Variants in SCLT1 observed in about 807,000 individuals in gnomAD.
SCLT1 encodes the protein sodium channel and clathrin linker 1.
SCLT1 carries 78 observed loss-of-function variants against 112.8 expected under a neutral mutation model. The ratio of observed to expected loss-of-function variants is 0.69; its 90% confidence interval spans 0.58 to 0.83. The LOEUF (loss-of-function observed/expected upper bound fraction) is 0.83. SCLT1 is among the 40% of genes least tolerant of loss of function. The probability of loss-of-function intolerance (pLI) is 0.00; values close to 1 mark genes in which losing one functional copy is unlikely to be tolerated. For synonymous variants in SCLT1, 257 were observed against 254.7 expected (o/e 1.01, Z -0.09); for missense variants, 747 against 770.4 (o/e 0.97, Z 0.36).
intron 17 of SCLT1, among the ~76,000 whole-genome samples, chr4:128,939,260 A>C (rs989103558): frequency 1.3e-5 from 2 of 152,072 alleles, no homozygotes; most frequent in Admixed American, 1.3e-4. Flanking sequence ...CTTTTGCCTG[A>C]AATAATCTCT....
At chr4:128,948,335 CAA>C (rs11312069) in intron 15 of SCLT1, among the ~76,000 whole-genome samples, 159 bp downstream of exon 15, 902 of 47,908 alleles carry the variant, frequency 0.019, 1 homozygote, top group African/African-American at 0.059. Flanking sequence ...GACTCCATTG[CAA>C]AAAAAAAAAA....
At chr4:128,943,301 T>G in intron 16 of SCLT1, 113 bp from the exon 17 acceptor site, 1 of 704,430 alleles carries the variant, frequency 1.4e-6, no homozygotes, top group Non-Finnish European at 2.2e-6. Context: ...TCTGAGCCAT[T>G]TCTTTCCACT....
chr4:129,019,385 C>T (rs1426920810), intron 5 of SCLT1, among the ~76,000 whole-genome samples: 1 of 152,054 alleles, frequency 6.6e-6, no homozygotes, highest in Non-Finnish European at 1.5e-5. Context: ...TTTTACATAC[C>T]ATTAAAAAGA....
At chr4:128,974,273 A>C (rs752163777) in intron 9 of SCLT1, among the ~76,000 whole-genome samples, 1 of 152,066 alleles carries the variant, frequency 6.6e-6, no homozygotes, top group Non-Finnish European at 1.5e-5. Flanking sequence ...CTTGACTCTT[A>C]GCCAGTATAC....
intron 16 of SCLT1, among the ~76,000 whole-genome samples, chr4:128,943,561 C>T (rs1737892888): frequency 6.6e-6 from 1 of 152,054 alleles, no homozygotes; most frequent in African/African-American, 2.4e-5. Context: ...TTTACTTAAT[C>T]AATAAACTCC....
chr4:128,971,597 A>C (rs565296601), intron 9 of SCLT1: 1 of 152,206 alleles, frequency 6.6e-6, no homozygotes, highest in Non-Finnish European at 1.5e-5. Context: ...CCTAGGATTC[A>C]CAATACGTAA....
At chr4:128,925,247 C>T (rs539897933) in intron 18 of SCLT1, among the ~76,000 whole-genome samples, 2 of 152,056 alleles carry the variant, frequency 1.3e-5, no homozygotes, top group East Asian at 1.9e-4. Flanking sequence ...AATAAATGTT[C>T]GCTGTTTTAA....
intron 4 of SCLT1, chr4:129,039,978 C>T (rs142682175): frequency 2.1e-4 from 105 of 509,628 alleles, no homozygotes; most frequent in African/African-American, 1.9e-3. Context: ...TCACTTAAAA[C>T]GGTAACTAAT....
chr4:129,057,439 G>C (rs1749515099), intron 2 of SCLT1, among the ~76,000 whole-genome samples: 1 of 142,926 alleles, frequency 7.0e-6, no homozygotes, highest in Admixed American at 7.2e-5. Flanking sequence ...ATGACTCTCA[G>C]CCTCCCAAGT....
chr4:128,902,630 GA>G (rs1258916160), intron 18 of SCLT1, among the ~76,000 whole-genome samples: 1 of 152,190 alleles, frequency 6.6e-6, no homozygotes, highest in East Asian at 1.9e-4. Flanking sequence ...TGAGTGAGTG[GA>G]GAATGAATGG....
rs571102096 is a variant in SCLT1 at position 129,003,620 on chromosome 4, A to G, written c.426+121T>C. 11 of 823,156 alleles carry G rather than the reference A, an allele frequency of 1.3e-5. No homozygotes were observed. In the African/African-American group the frequency reaches 1.9e-4, roughly 14 times the overall value. 51.0% of individuals were successfully genotyped at this position (823,156 alleles called of 1,614,324 possible). On this transcript the variant is annotated intron_variant, in intron 6 of 20. Transcript: ENST00000281142. ...TTGCTACCTGTAACGATTCTTATAAACTGTAAAAAATCATAATGTTACAAT... is the reference window on the plus strand; with the variant it reads ...TTGCTACCTGTAACGATTCTTATAAGCTGTAAAAAATCATAATGTTACAAT...
rs554409293 is a variant in SCLT1, at chr4:128,947,572, T to C, written c.1293+924A>G. On this transcript the variant is annotated intron_variant, in intron 15 of 20. Transcript: ENST00000281142. Reference sequence around the variant, plus strand: ...CTCTACCATTTACCACTTTTTAACATTGGGTAAGTTACTTAACCTCTCTAT... The same window carrying C: ...CTCTACCATTTACCACTTTTTAACACTGGGTAAGTTACTTAACCTCTCTAT... Among the ~76,000 whole-genome samples, 11 of 152,318 alleles carry C rather than the reference T, an allele frequency of 7.2e-5. No individual in the cohort carries two copies. The South Asian group carries it at 2.1e-3, about 29-fold the overall frequency.
intron 1 of SCLT1, among the ~76,000 whole-genome samples, chr4:129,087,754 T>A (rs1752515454): frequency 1.7e-5 from 1 of 60,242 alleles, no homozygotes; most frequent in African/African-American, 4.3e-5. Flanking sequence ...CTTGCGCAAG[T>A]TAAAAAAAAA....
At chr4:128,956,809 GTA>G (rs1160425008) in intron 13 of SCLT1, among the ~76,000 whole-genome samples, 1 of 152,042 alleles carries the variant, frequency 6.6e-6, no homozygotes, top group Non-Finnish European at 1.5e-5. Context: ...GGGCTATACA[GTA>G]TATCCCACTA....
At position 128,936,819 on chromosome 4, in the gene SCLT1, C is replaced by T; in HGVS notation, c.1665G>A (p.Lys555=). 2 of 1,590,366 alleles carry T rather than the reference C, an allele frequency of 1.3e-6. No individual in the cohort carries two copies. Among genetic ancestry groups the T allele is most frequent in the Non-Finnish European group, 1.7e-6 (2 of 1,165,660 alleles). ...ISTMEHEFSI[K]ERGFEVQLRE... ...TCAATTGAACTTCAAATCCACGTTC[C>T]TTTATTGAAAATTCATGTTCCATTG... The change falls in exon 18 of 21, where the codon AAG becomes AAA. Residue 555 remains lysine (K), a synonymous_variant. Coordinates refer to ENST00000281142, the MANE Select transcript of SCLT1 (RefSeq NM_144643.4).
At chr4:129,001,915 A>G (rs879655912) in intron 6 of SCLT1, among the ~76,000 whole-genome samples, 29 of 152,184 alleles carry the variant, frequency 1.9e-4, no homozygotes, top group Non-Finnish European at 3.5e-4. Context: ...CATGAAATCA[A>G]TTATAAATCT....
rs187412785 is a variant in SCLT1 at position 128,944,271 on chromosome 4, T to C, written c.1440-1083A>G. Among the ~76,000 whole-genome samples, 15 of 152,276 alleles carry C rather than the reference T, an allele frequency of 9.9e-5. No homozygotes were observed. In the East Asian group the frequency reaches 2.9e-3, roughly 29 times the overall value. On this transcript the variant is annotated intron_variant, in intron 16 of 20. Transcript: ENST00000281142. The stretch of plus-strand genomic sequence containing the variant: ...CTAATAAAATGACATATCTAGGGAA[T>C]GATAATAAAAGGATGCTAACATCAG...
At chr4:129,048,015 T>G (rs1403376175) in intron 2 of SCLT1, among the ~76,000 whole-genome samples, 1 of 152,170 alleles carries the variant, frequency 6.6e-6, no homozygotes, top group Non-Finnish European at 1.5e-5. Flanking sequence ...TATATTTGCC[T>G]TTCTTGCTTA....
intron 18 of SCLT1, among the ~76,000 whole-genome samples, chr4:128,894,765 G>T (rs1409022094): frequency 1.3e-5 from 2 of 151,576 alleles, no homozygotes; most frequent in Non-Finnish European, 2.9e-5. Context: ...TGCAACCTCC[G>T]CCTCCCGCTT....
Sources: gnomAD v4.1 joint callset for allele counts (sites outside exome capture counted in the v4.1 genomes callset) on GRCh38, gnomAD v4.1.1 for gene constraint, MANE v1.5 for transcripts, NCBI Gene and HGNC (gene_info 2026-07-23, HGNC 2026-07-21) for gene names.